Variants in CFAP161 observed in about 807,000 individuals in gnomAD.
The protein encoded by CFAP161 is cilia and flagella associated protein 161, also known as cilia- and flagella-associated protein 161.
In CFAP161, 25 loss-of-function variants were observed where a neutral mutation model predicts 29.0. The ratio of observed to expected loss-of-function variants is 0.86; its 90% CI spans 0.63 to 1.20. The LOEUF is 1.20. Ranked by LOEUF, CFAP161 falls within the 50% of genes most tolerant of loss-of-function variation. The pLI is 0.00. For missense variants in CFAP161, 367 were observed against 371.9 expected (o/e 0.99, Z 0.11); for synonymous variants, 116 against 137.4 (o/e 0.84, Z 1.09).
At chr15:81,122,602 C>G (rs1027520403) in intron 1 of CFAP161, among the ~76,000 whole-genome samples, 2 of 151,694 alleles carry the variant, frequency 1.3e-5, no homozygotes, top group African/African-American at 4.8e-5. Context: ...AGCGATTCAC[C>G]TGCCTTAGCC....
At chr15:81,120,141 C>G (rs1049907260) in intron 1 of CFAP161, among the ~76,000 whole-genome samples, 1 of 152,078 alleles carries the variant, frequency 6.6e-6, no homozygotes, top group African/African-American at 2.4e-5. Context: ...AAAGAAAAAC[C>G]TCCTGTAGTG....
intron 2 of CFAP161, 75 bp from the exon 3 acceptor site, chr15:81,136,441 A>G (rs1894809856): frequency 9.7e-6 from 13 of 1,343,792 alleles, no homozygotes; most frequent in Non-Finnish European, 1.3e-5. Flanking sequence ...TAGTCCGAGA[A>G]GGAAGAAAAT....
intron 1 of CFAP161, among the ~76,000 whole-genome samples, chr15:81,102,891 A>T (rs139335305): frequency 6.6e-6 from 1 of 152,178 alleles, no homozygotes; most frequent in Non-Finnish European, 1.5e-5. Context: ...AATTTGATCT[A>T]TGGGGTTGAA....
intron 1 of CFAP161, among the ~76,000 whole-genome samples, chr15:81,105,274 T>A (rs1341124571): frequency 1.8e-5 from 2 of 109,640 alleles, no homozygotes; most frequent in Admixed American, 1.7e-4. Context: ...TCTTTCTTTC[T>A]TTTTCTTTTT....
chr15:81,109,993 A>G lies in CFAP161; in HGVS notation c.-141-17597A>G, dbSNP rs921361954. Reference sequence around the variant, plus strand: ...CCACCCAAATTTCTGCATAAATTTGATGTTTGTTCTTGGTCCAATTTTAGC... The same window carrying G: ...CCACCCAAATTTCTGCATAAATTTGGTGTTTGTTCTTGGTCCAATTTTAGC... On this transcript the variant is annotated intron_variant, in intron 1 of 4. Transcript: ENST00000560091. 2.0e-5 allele frequency among the ~76,000 whole-genome samples: 3 copies of G among 152,076 alleles called. No individual in the cohort carries two copies. The East Asian group carries it at 5.8e-4, about 29-fold the overall frequency.
chr15:81,113,252 G>A (rs1894459650), intron 1 of CFAP161, among the ~76,000 whole-genome samples: 1 of 152,164 alleles, frequency 6.6e-6, no homozygotes, highest in Admixed American at 6.5e-5. Flanking sequence ...TAACACCAGA[G>A]ACTGCACAGT....
rs141826627 is a variant in CFAP161, at chr15:81,146,225, C to G, written c.637-1633C>G. ...AGCCTACTTGTCAGTGCCAGGCCAA[C>G]CCCTGGATGGCAGGGCTGCCTTTTC... On this transcript the variant is annotated intron_variant, in intron 5 of 6. Coordinates refer to ENST00000286732, the MANE Select transcript of CFAP161 (RefSeq NM_173528.4). Among the ~76,000 whole-genome samples the G allele has an allele frequency of 3.1e-4, 47 of 152,286 alleles. No individual in the cohort carries two copies. The East Asian group carries it at 8.7e-3, about 28-fold the overall frequency.
chr15:81,143,777 C>T lies in CFAP161; in HGVS notation c.593C>T (p.Pro198Leu). 1 of 1,614,180 alleles carries T rather than the reference C, an allele frequency of 6.2e-7. No individual in the cohort carries two copies. Among genetic ancestry groups the T allele is most frequent in the South Asian group, 1.1e-5 (1 of 91,068 alleles). Residue 198 changes from proline (P) to leucine (L), a missense_variant, in exon 5 of 7, where the codon CCT becomes CTT. Physicochemically the swap from Pro to Leu is moderately conservative, Grantham distance 98. Transcript: ENST00000286732. Reference protein sequence around the residue: ...SHVNCWQAAFPDPQLRLEYEG... With the variant: ...SHVNCWQAAFLDPQLRLEYEG... The stretch of plus-strand genomic sequence containing the variant: ...GTGAACTGCTGGCAGGCTGCCTTCC[C>T]TGACCCCCAGTTACGCCTGGAATAT...
chr15:81,148,749 A>T lies in CFAP161; in HGVS notation c.*216A>T, dbSNP rs1390999737. 1.4e-5 allele frequency: 6 copies of T among 430,154 alleles called. No individual in the cohort carries two copies. Among genetic ancestry groups the T allele is most frequent in the African/African-American group, 1.2e-4 (6 of 50,886 alleles). The allele number at this position is 430,154 out of a possible 1,614,324, so 26.6% of individuals were successfully genotyped here. On this transcript the variant is annotated 3_prime_UTR_variant, in exon 7 of 7. Coordinates refer to ENST00000286732, the MANE Select transcript of CFAP161 (RefSeq NM_173528.4). Reference sequence around the variant, plus strand: ...GCTCTGGAGAATAATTAGTATTTGAAAGTGACAAACAATAGCCTTTTGTTG... The same window carrying T: ...GCTCTGGAGAATAATTAGTATTTGATAGTGACAAACAATAGCCTTTTGTTG...
At position 81,145,141 on chromosome 15, in the gene CFAP161, G is replaced by A. The variant is rs117053247; in HGVS notation, c.636+1321G>A. ...GCTTGCTACTGGCCAGGAAGTGGCC[G>A]CAGTTGCAGGCCACTGAGTCCACCC... On this transcript the variant is annotated intron_variant, in intron 5 of 6. Coordinates refer to ENST00000286732, the MANE Select transcript of CFAP161 (RefSeq NM_173528.4). 1.3e-3 allele frequency among the ~76,000 whole-genome samples: 193 copies of A among 152,314 alleles called. 2 individuals are homozygous for A. The highest frequency in any genetic ancestry group is 2.2e-3 in the Non-Finnish European group (149 of 68,030).
chr15:81,133,176 CATATATATATATATATATAT>C (rs141326043), upstream of CFAP161, among the ~76,000 whole-genome samples: 138 of 60,994 alleles, frequency 2.3e-3, 5 homozygotes, highest in African/African-American at 8.0e-3. Context: ...CCTTCATCAG[CATATATATATATATATATAT>C]ATATATATAT....
chr15:81,126,934 GA>G (rs1894648732), intron 1 of CFAP161, among the ~76,000 whole-genome samples: 1 of 152,176 alleles, frequency 6.6e-6, no homozygotes, highest in African/African-American at 2.4e-5. Flanking sequence ...AAAAAATAGA[GA>G]GATAGAGAAC....
intron 4 of CFAP161, among the ~76,000 whole-genome samples, chr15:81,140,802 G>T (rs1199184667): frequency 6.6e-6 from 1 of 151,974 alleles, no homozygotes. Flanking sequence ...GGCCAGGCTG[G>T]TCTTGAACTC....
intron 1 of CFAP161, among the ~76,000 whole-genome samples, chr15:81,126,103 A>G (rs1894638049): frequency 6.6e-6 from 1 of 152,222 alleles, no homozygotes; most frequent in African/African-American, 2.4e-5. Flanking sequence ...TCCTGACCTC[A>G]GGTGATCCAG....
chr15:81,125,646 TATATAC>T (rs1421252657), intron 1 of CFAP161, among the ~76,000 whole-genome samples: 3 of 152,224 alleles, frequency 2.0e-5, no homozygotes, highest in Non-Finnish European at 4.4e-5. Flanking sequence ...GGCTAATGGC[TATATAC>T]ATATTATATT....
At chr15:81,108,000 G>A (rs1024701694) in intron 1 of CFAP161, among the ~76,000 whole-genome samples, 16 of 150,966 alleles carry the variant, frequency 1.1e-4, no homozygotes, top group Middle Eastern at 3.4e-3. Context: ...CTGCACTTCC[G>A]TTTCCTCGTC....
At chr15:81,115,540 AGC>A (rs1894486761) in intron 1 of CFAP161, among the ~76,000 whole-genome samples, 1 of 151,850 alleles carries the variant, frequency 6.6e-6, no homozygotes, top group South Asian at 2.1e-4. Context: ...CAAAGTGCTG[AGC>A]CAGTATTATT....
At chr15:81,134,709 TC>T (rs1894778022) in intron 1 of CFAP161, among the ~76,000 whole-genome samples, 1 of 151,964 alleles carries the variant, frequency 6.6e-6, no homozygotes, top group African/African-American at 2.4e-5. Flanking sequence ...CCCCACTAAG[TC>T]CCCCGTATTC....
intron 1 of CFAP161, among the ~76,000 whole-genome samples, chr15:81,120,969 T>C (rs1045199958): frequency 2.0e-5 from 3 of 152,238 alleles, no homozygotes; most frequent in Non-Finnish European, 4.4e-5. Flanking sequence ...GCAATTCTAC[T>C]AAGAGTAAAT....
Sources: allele counts gnomAD v4.1 joint callset (sites outside exome capture counted in the v4.1 genomes callset), GRCh38; gene constraint gnomAD v4.1.1; transcripts MANE v1.5; gene names NCBI Gene and HGNC (gene_info 2026-07-23, HGNC 2026-07-21).